The following SEPTIN7 variants were observed in gnomAD, a reference collection of about 807,000 sequenced individuals.
SEPTIN7 encodes septin-7.
SEPTIN7 carries 10 observed loss-of-function variants against 63.3 expected under a neutral mutation model. That is an observed-to-expected ratio of 0.16 (90% CI 0.10 to 0.27). The LOEUF (loss-of-function observed/expected upper bound fraction) is 0.27. SEPTIN7 is among the 10% of genes least tolerant of loss of function. SEPTIN7 has a pLI of 1.00. For synonymous variants in SEPTIN7, 131 were observed against 165.3 expected (o/e 0.79, Z 1.59); for missense variants, 310 against 521.0 (o/e 0.59, Z 3.94).
chr7:35,831,618 CAT>C lies in SEPTIN7; in HGVS notation c.66+124_66+125del, dbSNP rs767981379. The C allele has an allele frequency of 4.8e-4, 126 of 265,250 alleles. 2 individuals carry two copies. Among genetic ancestry groups the C allele is most frequent in the South Asian group, 4.4e-3 (119 of 27,028 alleles). The allele number at this position is 265,250 out of a possible 1,614,324, so 16.4% of individuals were successfully genotyped here. A position where few individuals can be genotyped will look rare whatever the true frequency, so the allele number is the denominator to read the frequency against. On this transcript the variant is annotated intron_variant, in intron 2 of 13. Transcript: ENST00000350320. The stretch of plus-strand genomic sequence containing the variant: ...TTTAATGCATATTTCTAACTCCACT[CAT>C]AGCAGACTTTCAAATATTTGACTTA...
chr7:35,860,279 C>T (rs1159656992), intron 3 of SEPTIN7, among the ~76,000 whole-genome samples: 8 of 151,912 alleles, frequency 5.3e-5, no homozygotes, highest in East Asian at 1.9e-4. Context: ...TTATTGATGT[C>T]GTAAATTACA....
intron 1 of SEPTIN7, among the ~76,000 whole-genome samples, chr7:35,806,288 G>T (rs1397391655): frequency 6.6e-6 from 1 of 152,152 alleles, no homozygotes; most frequent in Non-Finnish European, 1.5e-5. Flanking sequence ...AAATTACCTA[G>T]ATTTTTTTGT....
chr7:35,801,859 C>G (rs996267841), intron 1 of SEPTIN7, among the ~76,000 whole-genome samples: 3 of 151,994 alleles, frequency 2.0e-5, no homozygotes, highest in Non-Finnish European at 4.4e-5. Flanking sequence ...CGGCTGCAGC[C>G]GCAGCTCCAG....
chr7:35,866,908 C>T (rs1785840002), intron 4 of SEPTIN7, among the ~76,000 whole-genome samples: 1 of 152,132 alleles, frequency 6.6e-6, no homozygotes, highest in Non-Finnish European at 1.5e-5. Flanking sequence ...ATTGCTGAGT[C>T]CCTTTCTTCA....
chr7:35,877,711 A>G (rs968609876), intron 6 of SEPTIN7, among the ~76,000 whole-genome samples: 2 of 152,238 alleles, frequency 1.3e-5, no homozygotes, highest in Non-Finnish European at 2.9e-5. Flanking sequence ...ACTAAAGGAC[A>G]TAACGAAAAT....
intron 3 of SEPTIN7, among the ~76,000 whole-genome samples, chr7:35,860,003 G>C (rs1287464393): frequency 6.6e-6 from 1 of 151,902 alleles, no homozygotes; most frequent in Non-Finnish European, 1.5e-5. Context: ...GAACTAACTT[G>C]CCATTTTGTT....
chr7:35,844,942 C>T (rs1343937185), intron 3 of SEPTIN7, among the ~76,000 whole-genome samples: 3 of 152,132 alleles, frequency 2.0e-5, no homozygotes, highest in East Asian at 1.9e-4. Context: ...AAAAAGTAAA[C>T]GAAGGCCAGG....
intron 10 of SEPTIN7, 125 bp from the exon 11 acceptor site, chr7:35,890,543 T>A (rs1005072471): frequency 3.0e-5 from 23 of 760,390 alleles, no homozygotes; most frequent in African/African-American, 7.3e-5. Flanking sequence ...TTAACAATAG[T>A]CTTTTGTTCA....
intron 1 of SEPTIN7, among the ~76,000 whole-genome samples, chr7:35,810,354 T>G (rs1305495118): frequency 2.0e-5 from 3 of 151,496 alleles, no homozygotes; most frequent in Non-Finnish European, 4.4e-5. Context: ...GATGGAGTCT[T>G]GCTCTGTCAC....
chr7:35,804,535 A>G (rs1464378785), intron 1 of SEPTIN7, among the ~76,000 whole-genome samples: 3 of 152,234 alleles, frequency 2.0e-5, no homozygotes, highest in Non-Finnish European at 4.4e-5. Context: ...CAAAATCTTA[A>G]TAATGATTTA....
rs1786718173 is a variant in SEPTIN7, at chr7:35,879,806, A to G, written c.513-17A>G. On this transcript the variant is annotated splice_polypyrimidine_tract_variant and intron_variant, in intron 6 of 13. Coordinates refer to ENST00000350320, the MANE Select transcript of SEPTIN7 (RefSeq NM_001788.6). ...CAAACTGATCAATTCAGTCAAATTA[A>G]ATACTGTGTATTTCAGACTTAAACC... The G allele has an allele frequency of 7.4e-7, 1 of 1,359,144 alleles. No individual in the cohort carries two copies. 84.2% of individuals were successfully genotyped at this position (1,359,144 alleles called of 1,614,324 possible).
At position 35,883,855 on chromosome 7, in the gene SEPTIN7, A is replaced by G. The variant is rs550318724; in HGVS notation, c.724-36A>G. 6.2e-5 allele frequency: 78 copies of G among 1,256,806 alleles called. No homozygotes were observed. In the East Asian group the frequency reaches 1.7e-3, roughly 28 times the overall value. 77.9% of individuals were successfully genotyped at this position (1,256,806 alleles called of 1,614,324 possible). On this transcript the variant is annotated intron_variant, in intron 8 of 13. Coordinates refer to ENST00000350320, the MANE Select transcript of SEPTIN7 (RefSeq NM_001788.6). ...TTATTTTTGAATTTGTGAGGACTACAGAGATGTATTTGAACAAGAATACTT... is the reference window on the plus strand; with the variant it reads ...TTATTTTTGAATTTGTGAGGACTACGGAGATGTATTTGAACAAGAATACTT...
At chr7:35,911,633 A>C (rs1261732235), downstream of SEPTIN7, among the ~76,000 whole-genome samples, 3 of 152,248 alleles carry the variant, frequency 2.0e-5, no homozygotes. Context: ...CAGATGGTAC[A>C]TATAATAAGA....
intron 1 of SEPTIN7, among the ~76,000 whole-genome samples, chr7:35,813,635 A>G (rs1788874557): frequency 6.6e-6 from 1 of 152,112 alleles, no homozygotes; most frequent in Admixed American, 6.6e-5. Flanking sequence ...TCAGCCTCCT[A>G]AAGTGCTAAG....
chr7:35,815,269 C>T (rs1299431406), intron 1 of SEPTIN7: 2 of 323,226 alleles, frequency 6.2e-6, no homozygotes, highest in African/African-American at 4.5e-5. Flanking sequence ...ATCTGGGCAC[C>T]AGAAGTGCTC....
intron 12 of SEPTIN7, chr7:35,902,767 T>G: frequency 5.0e-6 from 1 of 201,164 alleles, no homozygotes; most frequent in Non-Finnish European, 9.8e-6. Flanking sequence ...CTCCAACATA[T>G]TTGTGATTAA....
intron 1 of SEPTIN7, among the ~76,000 whole-genome samples, chr7:35,820,208 G>A (rs1409399565): frequency 6.6e-6 from 1 of 151,846 alleles, no homozygotes; most frequent in Admixed American, 6.6e-5. Flanking sequence ...TCTGTTTTTG[G>A]TTTTTAACAG....
intron 1 of SEPTIN7, among the ~76,000 whole-genome samples, chr7:35,824,683 T>A (rs1369626446): frequency 6.6e-6 from 1 of 152,204 alleles, no homozygotes; most frequent in Non-Finnish European, 1.5e-5. Flanking sequence ...GTTACAGAGA[T>A]CTGTCATTTC....
At chr7:35,896,906 T>C (rs1333925478) in intron 11 of SEPTIN7, among the ~76,000 whole-genome samples, 1 of 152,248 alleles carries the variant, frequency 6.6e-6, no homozygotes, top group African/African-American at 2.4e-5. Flanking sequence ...GCCTTTTTGT[T>C]AAGAAAAACT....
Sources: allele counts gnomAD v4.1 joint callset (sites outside exome capture counted in the v4.1 genomes callset), GRCh38; gene constraint gnomAD v4.1.1; transcripts MANE v1.5; gene names NCBI Gene and HGNC (gene_info 2026-07-23, HGNC 2026-07-21).